ZNF174: variants seen among roughly 807,000 people sequenced by gnomAD.
ZNF174 encodes zinc finger protein 174.
A neutral mutation model predicts 38.7 loss-of-function variants in ZNF174; 30 were observed. The observed-to-expected ratio is 0.78, with a 90% CI of 0.58 to 1.05. The LOEUF is 1.05. Among genes scored for constraint, ZNF174 ranks in the 50% least tolerant of loss-of-function variants. The probability of loss-of-function intolerance (pLI) is 0.00; values close to 1 mark genes in which losing one functional copy is unlikely to be tolerated. For missense variants in ZNF174, 499 were observed against 495.6 expected (o/e 1.01, Z -0.06); for synonymous variants, 201 against 181.7 (o/e 1.11, Z -0.86).
intron 2 of ZNF174, among the ~76,000 whole-genome samples, chr16:3,405,477 T>A (rs2034042251): frequency 6.6e-6 from 1 of 152,148 alleles, no homozygotes; most frequent in Non-Finnish European, 1.5e-5. Context: ...TCAGTCCTCA[T>A]GTGGCAGAAG....
chr16:3,404,782 T>C lies in ZNF174; in HGVS notation c.625+134T>C, dbSNP rs545955363. ...TATATAATAGTAGATGATTATTCAC[T>C]AAACAAATTTCACTAATTAGGATGG... On this transcript the variant is annotated intron_variant, in intron 2 of 2. Coordinates refer to ENST00000268655, the MANE Select transcript of ZNF174 (RefSeq NM_003450.3). 9 of 1,513,820 alleles carry C rather than the reference T, an allele frequency of 5.9e-6. No individual in the cohort carries two copies. In the South Asian group the frequency reaches 9.4e-5, roughly 16 times the overall value. The allele number at this position is 1,513,820 out of a possible 1,614,324, so 93.8% of individuals were successfully genotyped here.
In ZNF174 at chr16:3,402,296, C is replaced by G; in HGVS notation, c.292C>G (p.Leu98Val). The change falls in exon 1 of 3, where the codon CTG becomes GTG. Residue 98 changes from leucine (L) to valine (V), a missense_variant. Physicochemically the swap from Leu to Val is conservative, Grantham distance 32 (BLOSUM62 1). Transcript: ENST00000268655. The stretch of plus-strand genomic sequence containing the variant: ...GGTGATGGAGCAGTTCCTGACCATC[C>G]TGCCCCCGGAGATCCAGGCTCGGGT... ...LLVMEQFLTILPPEIQARVRH... is the reference protein window; with the variant it reads ...LLVMEQFLTIVPPEIQARVRH... 1.2e-6 allele frequency: 2 copies of G among 1,614,124 alleles called. No individual in the cohort carries two copies. Among genetic ancestry groups the G allele is most frequent in the Non-Finnish European group, 1.7e-6 (2 of 1,180,026 alleles).
chr16:3,408,750 G>A lies in ZNF174; in HGVS notation c.1055G>A (p.Arg352Lys). 3 of 1,614,122 alleles carry A rather than the reference G, an allele frequency of 1.9e-6. No homozygotes were observed. The highest frequency in any genetic ancestry group is 2.5e-6 in the Non-Finnish European group (3 of 1,180,034). Reference protein sequence around the residue: ...KRHKRVHTGERPYTCGECGNC... With the variant: ...KRHKRVHTGEKPYTCGECGNC... ...CACAAGAGAGTCCACACAGGAGAGA[G>A]ACCCTACACGTGCGGAGAGTGTGGA... Residue 352 changes from arginine to lysine, a missense_variant, in exon 3 of 3, where the codon AGA (arginine) becomes AAA (lysine). Physicochemically the swap from Arg to Lys is conservative, Grantham distance 26. Transcript: ENST00000268655.
At chr16:3,408,038 G>C (rs116958677) in intron 2 of ZNF174, among the ~76,000 whole-genome samples, 286 of 152,212 alleles carry the variant, frequency 1.9e-3, no homozygotes, top group Non-Finnish European at 3.2e-3. Context: ...GAGAAAGGAA[G>C]AAGGAGGATG....
chr16:3,409,215 C>A lies in ZNF174; in HGVS notation c.*296C>A. 2.8e-6 allele frequency: 1 copy of A among 354,412 alleles called. No individual in the cohort carries two copies. Among genetic ancestry groups the A allele is most frequent in the Middle Eastern group, 8.2e-4 (1 of 1,220 alleles). 22.0% of individuals were successfully genotyped at this position (354,412 alleles called of 1,614,324 possible). On this transcript the variant is annotated 3_prime_UTR_variant, in exon 3 of 3. Coordinates refer to ENST00000268655, the MANE Select transcript of ZNF174 (RefSeq NM_003450.3). Reference sequence around the variant, plus strand: ...AATCAGGACAATCCTGCAGGTGGCCCGCTTACTGTTAAATCGTCCCTCTGT... The same window carrying A: ...AATCAGGACAATCCTGCAGGTGGCCAGCTTACTGTTAAATCGTCCCTCTGT...
In ZNF174 at chr16:3,408,426, T is replaced by C; in HGVS notation, c.731T>C (p.Leu244Pro). 6.2e-7 allele frequency: 1 copy of C among 1,614,182 alleles called. No individual in the cohort carries two copies. The highest frequency in any genetic ancestry group is 2.2e-5 in the East Asian group (1 of 44,892). Residue 244 changes from leucine to proline, a missense_variant, in exon 3 of 3, where the codon CTG becomes CCG. By Grantham distance (98) the Leu-to-Pro change is moderately conservative. Coordinates refer to ENST00000268655, the MANE Select transcript of ZNF174 (RefSeq NM_003450.3). ...GCTGGCAGATCCAAAGGGAATGGTC[T>C]GCAGAATCCTGAACCAAGAGGGGCA... ...VSAGRSKGNG[L>P]QNPEPRGANM...
Sources: allele counts gnomAD v4.1 joint callset (sites outside exome capture counted in the v4.1 genomes callset), GRCh38; gene constraint gnomAD v4.1.1; transcripts MANE v1.5; gene names NCBI Gene and HGNC (gene_info 2026-07-23, HGNC 2026-07-21).